The following TMEM170B variants were observed in gnomAD, a reference collection of about 807,000 sequenced individuals.
The protein encoded by TMEM170B is transmembrane protein 170B.
In TMEM170B, 6 loss-of-function variants were observed where a neutral mutation model predicts 13.0. That is an observed-to-expected ratio of 0.46 (90% confidence interval 0.25 to 0.91). The LOEUF (loss-of-function observed/expected upper bound fraction) is 0.91, where lower values mean the gene tolerates loss of function less well. Among genes scored for constraint, TMEM170B ranks in the 40% least tolerant of loss-of-function variants. The pLI, the probability that TMEM170B is intolerant of heterozygous loss-of-function variation, is 0.17. For missense variants in TMEM170B, 138 were observed against 165.2 expected, an observed-to-expected ratio of 0.84 and a Z score of 0.90; for synonymous variants, 61 against 64.9, an observed-to-expected ratio of 0.94 and a Z score of 0.29.
Position 11,583,524 on chromosome 6 carries a change from A to G in TMEM170B, c.*7963A>G, listed in dbSNP as rs1561693382. 6.6e-6 allele frequency: 1 copy of G among 152,170 alleles called. No individual in the cohort carries two copies. 9.4% of individuals were successfully genotyped at this position (152,170 alleles called of 1,614,324 possible). On this transcript the variant is annotated 3_prime_UTR_variant, in exon 3 of 3. Transcript: ENST00000379426. Reference sequence around the variant, plus strand: ...AAATAAACCTGTCTTTGAAAGCTTTATGGGGTGTTTGACTCTTGGTGATAA... The same window carrying G: ...AAATAAACCTGTCTTTGAAAGCTTTGTGGGGTGTTTGACTCTTGGTGATAA...
At chr6:11,545,257 A>T (rs906567232) in intron 1 of TMEM170B, among the ~76,000 whole-genome samples, 1 of 124,260 alleles carries the variant, frequency 8.0e-6, no homozygotes, top group African/African-American at 2.9e-5. Flanking sequence ...AATGAAGGTT[A>T]AAAGGCTTCT....
chr6:11,538,277 G>A lies in TMEM170B; in HGVS notation c.-1G>A. 7.2e-7 allele frequency: 1 copy of A among 1,388,000 alleles called. No individual in the cohort carries two copies. The highest frequency in any genetic ancestry group is 9.3e-7 in the Non-Finnish European group (1 of 1,069,682). 86.0% of individuals were successfully genotyped at this position (1,388,000 alleles called of 1,614,324 possible). ...AGGGCGGCGGGCGCCCCTCGGGGAA[G>A]ATGAAGGCGGAGGGGGGCGACCACT... On this transcript the variant is annotated 5_prime_UTR_variant, in exon 1 of 3. Coordinates refer to ENST00000379426, the MANE Select transcript of TMEM170B (RefSeq NM_001100829.3).
intron 1 of TMEM170B, among the ~76,000 whole-genome samples, chr6:11,539,950 T>C (rs991128112): frequency 1.3e-5 from 2 of 152,224 alleles, no homozygotes; most frequent in African/African-American, 4.8e-5. Flanking sequence ...TTTGTTTTCC[T>C]AGTGCATGTA....
chr6:11,550,745 C>G (rs1261835685), intron 1 of TMEM170B, among the ~76,000 whole-genome samples: 2 of 152,122 alleles, frequency 1.3e-5, no homozygotes, highest in African/African-American at 4.8e-5. Context: ...AGGAAACAGG[C>G]AGAGATTATT....
intron 1 of TMEM170B, among the ~76,000 whole-genome samples, chr6:11,539,050 A>G (rs988448554): frequency 6.6e-6 from 1 of 152,078 alleles, no homozygotes; most frequent in African/African-American, 2.4e-5. Context: ...ATTTCCCTTC[A>G]TTTATTAAGG....
intron 1 of TMEM170B, among the ~76,000 whole-genome samples, chr6:11,549,763 C>G (rs985808515): frequency 1.3e-5 from 2 of 151,684 alleles, no homozygotes; most frequent in East Asian, 3.9e-4. Flanking sequence ...ATTTTTTTCA[C>G]CAAACTTTAT....
intron 1 of TMEM170B, among the ~76,000 whole-genome samples, chr6:11,539,424 A>G (rs796558517): frequency 9.2e-5 from 14 of 152,350 alleles, no homozygotes; most frequent in African/African-American, 3.4e-4. Flanking sequence ...GTATTTTACA[A>G]ATATAACCTG....
At chr6:11,550,150 C>A (rs917270096) in intron 1 of TMEM170B, among the ~76,000 whole-genome samples, 4 of 150,854 alleles carry the variant, frequency 2.7e-5, no homozygotes, top group Non-Finnish European at 4.4e-5. Flanking sequence ...TAATTTTTTT[C>A]ATAATCCTGT....
At position 11,545,280 on chromosome 6, in the gene TMEM170B, C is replaced by CTGTG. The variant is rs1210551633; in HGVS notation, c.97+6934_97+6937dup. 2.0e-3 allele frequency among the ~76,000 whole-genome samples: 285 copies of CTGTG among 139,806 alleles called. 2 individuals carry two copies. The highest frequency in any genetic ancestry group is 4.9e-3 in the African/African-American group (184 of 37,368). The allele number at this position is 139,806 out of a possible 152,430, so 91.7% of individuals were successfully genotyped here. On this transcript the variant is annotated intron_variant, in intron 1 of 2. Transcript: ENST00000379426. ...TTAAAAGGCTTCTCTCTCTCTCTCT[C>CTGTG]TGTGTGTGTGTGTGTGTGTGTGTGT...
At chr6:11,543,329 C>T (rs1332623095) in intron 1 of TMEM170B, among the ~76,000 whole-genome samples, 2 of 152,148 alleles carry the variant, frequency 1.3e-5, no homozygotes, top group African/African-American at 4.8e-5. Flanking sequence ...TGTTTCTCAT[C>T]TGCATCTCTT....
chr6:11,573,763 T>C (rs1759837533), intron 2 of TMEM170B, among the ~76,000 whole-genome samples: 1 of 152,138 alleles, frequency 6.6e-6, no homozygotes, highest in Admixed American at 6.6e-5. Flanking sequence ...ATGTGGTTTT[T>C]AAAATGGAAG....
intron 2 of TMEM170B, among the ~76,000 whole-genome samples, chr6:11,567,785 C>G (rs1759755201): frequency 6.6e-6 from 1 of 152,080 alleles, no homozygotes; most frequent in Non-Finnish European, 1.5e-5. Flanking sequence ...AGGAGTAGTA[C>G]CAGATTCAGT....
intron 1 of TMEM170B, among the ~76,000 whole-genome samples, chr6:11,556,370 C>CTG (rs1245295609): frequency 5.3e-5 from 8 of 152,228 alleles, no homozygotes; most frequent in Non-Finnish European, 5.9e-5. Flanking sequence ...GGTGGGAGCT[C>CTG]TGTACTGCAG....
At chr6:11,556,475 C>G (rs188694900) in intron 1 of TMEM170B, among the ~76,000 whole-genome samples, 5 of 152,176 alleles carry the variant, frequency 3.3e-5, no homozygotes, top group African/African-American at 1.2e-4. Context: ...TAGCCTCCCC[C>G]CAGTGGTGGA....
Position 11,583,091 on chromosome 6 carries a change from T to C in TMEM170B, c.*7530T>C, listed in dbSNP as rs1759980282. The C allele has an allele frequency of 6.6e-6, 1 of 152,208 alleles. No homozygotes were observed. The highest frequency in any genetic ancestry group is 2.1e-4 in the South Asian group (1 of 4,836). 9.4% of individuals were successfully genotyped at this position (152,208 alleles called of 1,614,324 possible). On this transcript the variant is annotated 3_prime_UTR_variant, in exon 3 of 3. Transcript: ENST00000379426. ...AAATTTTGCAGTGAATTTTAAGTAA[T>C]TTTAATTGCAGTAAGCATCAGTTTA...
chr6:11,560,397 C>T (rs1262968769), intron 1 of TMEM170B, among the ~76,000 whole-genome samples: 18 of 149,080 alleles, frequency 1.2e-4, no homozygotes, highest in African/African-American at 4.0e-4. Flanking sequence ...TGGTCTCGAT[C>T]TCCTGACCTC....
intron 2 of TMEM170B, among the ~76,000 whole-genome samples, chr6:11,566,944 T>C (rs1759741946): frequency 1.3e-5 from 2 of 152,374 alleles, no homozygotes; most frequent in South Asian, 4.1e-4. Flanking sequence ...TGAGCCCACT[T>C]ACGCATTTCC....
At chr6:11,561,232 G>A (rs548301025) in intron 1 of TMEM170B, among the ~76,000 whole-genome samples, 1 of 152,288 alleles carries the variant, frequency 6.6e-6, no homozygotes, top group African/African-American at 2.4e-5. Flanking sequence ...TTTTTAAAAT[G>A]TTTGTTTTGT....
intron 1 of TMEM170B, among the ~76,000 whole-genome samples, chr6:11,562,092 G>A (rs751618724): frequency 2.0e-5 from 3 of 152,084 alleles, no homozygotes; most frequent in Non-Finnish European, 4.4e-5. Context: ...TTGTATTGAA[G>A]AGCCTGTGGT....
Sources: allele counts gnomAD v4.1 joint callset (sites outside exome capture counted in the v4.1 genomes callset), GRCh38; gene constraint gnomAD v4.1.1; transcripts MANE v1.5; gene names NCBI Gene and HGNC (gene_info 2026-07-23, HGNC 2026-07-21).